MTCL1: variants seen among roughly 807,000 people sequenced by gnomAD.
The protein encoded by MTCL1 is microtubule cross-linking factor 1.
In MTCL1, 79 loss-of-function variants were observed where a neutral mutation model predicts 141.4. That is an observed-to-expected ratio of 0.56 (90% CI 0.47 to 0.67). MTCL1 has a LOEUF of 0.67. Among genes scored for constraint, MTCL1 ranks in the 30% least tolerant of loss-of-function variants. The pLI is 0.00. For synonymous variants in MTCL1, 914 were observed against 875.8 expected (o/e 1.04, Z -0.77); for missense variants, 2,177 against 2,113.9 (o/e 1.03, Z -0.59).
intron 1 of MTCL1, chr18:8,717,653 C>T (rs971611948): frequency 1.3e-5 from 2 of 152,940 alleles, no homozygotes; most frequent in African/African-American, 4.8e-5. Flanking sequence ...TGTGGCTCCC[C>T]TCCCCCAGGG....
intron 12 of MTCL1, among the ~76,000 whole-genome samples, chr18:8,818,286 C>T (rs1192085037): frequency 8.3e-6 from 1 of 120,196 alleles, no homozygotes; most frequent in Non-Finnish European, 1.8e-5. Flanking sequence ...TGCTTGCCCA[C>T]TACCGCTTCT....
chr18:8,792,899 C>G (rs1439107972), intron 7 of MTCL1, 99 bp from the exon 7 acceptor site: 2 of 1,504,502 alleles, frequency 1.3e-6, no homozygotes, highest in African/African-American at 2.8e-5. Flanking sequence ...CTGTGTCGCT[C>G]CGTGTGCGTC....
chr18:8,741,074 A>G (rs1463822984), intron 4 of MTCL1, among the ~76,000 whole-genome samples: 1 of 152,072 alleles, frequency 6.6e-6, no homozygotes, highest in Non-Finnish European at 1.5e-5. Context: ...GTGAAGGGAC[A>G]TGGCCAGGAT....
At chr18:8,758,140 T>A (rs1188968261) in intron 4 of MTCL1, among the ~76,000 whole-genome samples, 2 of 151,758 alleles carry the variant, frequency 1.3e-5, no homozygotes, top group African/African-American at 4.8e-5. Flanking sequence ...TTCTCTTGTC[T>A]CAGCCTCCGA....
At chr18:8,804,133 C>T (rs185686440) in intron 10 of MTCL1, among the ~76,000 whole-genome samples, 1 of 152,228 alleles carries the variant, frequency 6.6e-6, no homozygotes, top group Admixed American at 6.5e-5. Context: ...GATGAAACTC[C>T]CAAACAAATC....
At chr18:8,733,178 A>G (rs567476059) in intron 4 of MTCL1, among the ~76,000 whole-genome samples, 1 of 152,304 alleles carries the variant, frequency 6.6e-6, no homozygotes, top group South Asian at 2.1e-4. Context: ...AGCCCTCGGG[A>G]CTGTCAGACC....
At chr18:8,800,242 C>T (rs1215511452) in intron 10 of MTCL1, among the ~76,000 whole-genome samples, 1 of 152,206 alleles carries the variant, frequency 6.6e-6, no homozygotes, top group Non-Finnish European at 1.5e-5. Context: ...CACAGAGCTG[C>T]ACAGAGCCGG....
chr18:8,710,148 A>G (rs2096078990), intron 1 of MTCL1, among the ~76,000 whole-genome samples: 2 of 152,142 alleles, frequency 1.3e-5, no homozygotes, highest in African/African-American at 2.4e-5. Flanking sequence ...CCTGGCCTGT[A>G]TTTTTTTAAA....
intron 4 of MTCL1, among the ~76,000 whole-genome samples, chr18:8,752,647 C>T (rs556204300): frequency 1.3e-5 from 2 of 152,260 alleles, no homozygotes; most frequent in African/African-American, 4.8e-5. Flanking sequence ...TTGTTACCAT[C>T]CCAATTGTTA....
chr18:8,828,574 G>A lies in MTCL1; in HGVS notation c.4723-334G>A, dbSNP rs1564484. On this transcript the variant is annotated intron_variant, in intron 15 of 16. Transcript: ENST00000359865. This position sits in a 1 kb window ranked among gnomAD's most constrained non-coding sequence, Gnocchi z 5.2. ...AATTTCCATATCTCTGTTTGCCAAA[G>A]TGCTGTTTGAAATGTTAAATGCTAA... 0.067 allele frequency among the ~76,000 whole-genome samples: 10,255 copies of A among 152,240 alleles called. 409 individuals are homozygous for A. The highest frequency in any genetic ancestry group is 0.11 in the South Asian group (546 of 4,812).
chr18:8,831,700 C>T (rs181786619), exon 17 of MTCL1: 72 of 1,550,528 alleles, frequency 4.6e-5, no homozygotes, highest in Non-Finnish European at 6.2e-5. Context: ...CCGTTGGGCC[C>T]CACATTCCCC....
At chr18:8,777,975 T>C (rs751001432) in intron 5 of MTCL1, 83 bp downstream of exon 4, 193 of 1,334,846 alleles carry the variant, frequency 1.4e-4, no homozygotes, top group Non-Finnish European at 1.9e-4. Context: ...AAGTGTTAGC[T>C]TTGCCTTTAA....
At chr18:8,801,144 A>G (rs1054558258) in intron 10 of MTCL1, among the ~76,000 whole-genome samples, 1 of 152,090 alleles carries the variant, frequency 6.6e-6, no homozygotes, top group Non-Finnish European at 1.5e-5. Flanking sequence ...TCCTGCAGAC[A>G]GAGAGCCCTT....
At chr18:8,768,385 G>A (rs764801296) in intron 4 of MTCL1, among the ~76,000 whole-genome samples, 2 of 152,296 alleles carry the variant, frequency 1.3e-5, no homozygotes, top group Middle Eastern at 6.8e-3. Context: ...CACATTCACT[G>A]AGTTTTGACA....
chr18:8,823,802 C>T (rs1315217888), intron 14 of MTCL1, among the ~76,000 whole-genome samples: 1 of 152,202 alleles, frequency 6.6e-6, no homozygotes, highest in East Asian at 1.9e-4. Flanking sequence ...TGTACCAGCG[C>T]ACACGGTACA....
At chr18:8,714,998 G>C (rs964437933), upstream of MTCL1, among the ~76,000 whole-genome samples, 3 of 152,052 alleles carry the variant, frequency 2.0e-5, no homozygotes, top group South Asian at 2.1e-4. Flanking sequence ...GGGTTTCACT[G>C]TGTTAGCCAG....
chr18:8,722,089 A>C (rs538105003), intron 4 of MTCL1, among the ~76,000 whole-genome samples: 1 of 152,132 alleles, frequency 6.6e-6, no homozygotes, highest in East Asian at 1.9e-4. Flanking sequence ...CTAATTAAGG[A>C]TCTCTGCCTC....
intron 16 of MTCL1, chr18:8,831,062 G>A: frequency 1.1e-5 from 11 of 985,690 alleles, no homozygotes; most frequent in Non-Finnish European, 1.3e-5. Context: ...GTGGGAGTTT[G>A]TTTAAGCTAC....
chr18:8,731,364 A>G (rs953009507), intron 4 of MTCL1, among the ~76,000 whole-genome samples: 10 of 152,208 alleles, frequency 6.6e-5, no homozygotes, highest in Middle Eastern at 3.4e-3. Context: ...ACCTGAGGTC[A>G]GGAGTTCAAG....
Sources: gnomAD v4.1 joint callset for allele counts (sites outside exome capture counted in the v4.1 genomes callset) on GRCh38, gnomAD v4.1.1 for gene constraint, Gnocchi (gnomAD v3.1) non-coding constraint, MANE v1.5 for transcripts, NCBI Gene and HGNC (gene_info 2026-07-23, HGNC 2026-07-21) for gene names.